The following SAG variants were observed in gnomAD, a reference collection of about 807,000 sequenced individuals.
SAG encodes S-antigen visual arrestin.
A neutral mutation model predicts 55.0 loss-of-function variants in SAG; 45 were observed. The ratio of observed to expected loss-of-function variants is 0.82; its 90% CI spans 0.64 to 1.05. The LOEUF (loss-of-function observed/expected upper bound fraction) is 1.05, where lower values mean the gene tolerates loss of function less well. SAG is among the 50% of genes least tolerant of loss of function. The probability of loss-of-function intolerance (pLI) is 0.00; values close to 1 mark genes in which losing one functional copy is unlikely to be tolerated. For missense variants in SAG, 455 were observed against 512.1 expected, an observed-to-expected ratio of 0.89 and a Z score of 1.08; for synonymous variants, 189 against 197.4, an observed-to-expected ratio of 0.96 and a Z score of 0.36.
chr2:233,335,418 C>G (rs536819156), intron 11 of SAG, among the ~76,000 whole-genome samples: 1 of 152,194 alleles, frequency 6.6e-6, no homozygotes, highest in Non-Finnish European at 1.5e-5. Context: ...TAGTTCAAGT[C>G]TCATAGAGTG....
chr2:233,322,031 ACACAC>A (rs1480761006), intron 5 of SAG, among the ~76,000 whole-genome samples: 1 of 112,690 alleles, frequency 8.9e-6, no homozygotes, highest in East Asian at 2.6e-4. Flanking sequence ...ACACACACAC[ACACAC>A]ATTAGTCAGG....
chr2:233,329,701 T>G, intron 9 of SAG, 124 bp downstream of exon 9: 1 of 675,924 alleles, frequency 1.5e-6, no homozygotes, highest in Non-Finnish European at 2.6e-6. Context: ...TACTTGTCTC[T>G]GCTGTCATAG....
chr2:233,318,909 C>A, intron 4 of SAG, 114 bp downstream of exon 4: 1 of 904,964 alleles, frequency 1.1e-6, no homozygotes, highest in Non-Finnish European at 1.9e-6. Flanking sequence ...AGAGGCAGCG[C>A]TCTTGCACAT....
chr2:233,333,214 T>C (rs1700822812), intron 10 of SAG: 1 of 152,294 alleles, frequency 6.6e-6, no homozygotes, highest in South Asian at 2.1e-4. Context: ...ACTGCCTCCT[T>C]TCTGCCAAGA....
At chr2:233,325,834 T>C (rs1358976501) in intron 6 of SAG, among the ~76,000 whole-genome samples, 5 of 151,922 alleles carry the variant, frequency 3.3e-5, no homozygotes, top group African/African-American at 1.2e-4. Flanking sequence ...CCTGGGGGCC[T>C]GGGGGCTTGA....
chr2:233,331,796 C>T, intron 10 of SAG, 84 bp downstream of exon 10: 3 of 966,718 alleles, frequency 3.1e-6, no homozygotes, highest in Non-Finnish European at 4.9e-6. Flanking sequence ...GAAGAAGGAA[C>T]TAGAATGTTC....
intron 1 of SAG, among the ~76,000 whole-genome samples, chr2:233,308,400 G>A (rs574294114): frequency 6.6e-6 from 1 of 152,114 alleles, no homozygotes; most frequent in East Asian, 1.9e-4. Context: ...CCAGGAGTTC[G>A]AGGCTGCGGT....
chr2:233,309,033 C>G (rs77217878), intron 1 of SAG, 129 bp from the exon 2 acceptor site: 6,650 of 563,596 alleles, frequency 0.012, 66 homozygotes, highest in Admixed American at 0.027. Flanking sequence ...GATGTTGAAG[C>G]CGGTACAAGG....
chr2:233,331,885 A>T (rs912217917), intron 10 of SAG, 173 bp downstream of exon 10: 3 of 638,328 alleles, frequency 4.7e-6, no homozygotes, highest in Non-Finnish European at 8.6e-6. Context: ...TTAGCTCTGC[A>T]TCTACCACAC....
rs111846791 is a variant in SAG, at chr2:233,340,040, T to TC, written c.1023-413dup. Among the ~76,000 whole-genome samples the TC allele has an allele frequency of 2.6e-3, 401 of 151,524 alleles. No individual in the cohort carries two copies. The highest frequency in any genetic ancestry group is 8.9e-3 in the African/African-American group (367 of 41,254). On this transcript the variant is annotated intron_variant, in intron 12 of 15. Transcript: ENST00000409110. The surrounding 1 kb of genome is among the most constrained non-coding windows in gnomAD (Gnocchi z 4.2). ...GGCATGATCTCAGCTCACTGCAACC[T>TC]CCACCTCCCAGGTTCAAGCAATTCC...
chr2:233,343,103 T>TC (rs397962016), intron 14 of SAG: 1 of 136,392 alleles, frequency 7.3e-6, no homozygotes, highest in East Asian at 2.1e-4. Flanking sequence ...TTTTTTTTTT[T>TC]CTGAGATGGA....
At chr2:233,330,536 CCTTCCTCCCTTTCTTT>C (rs1397638128) in intron 9 of SAG, among the ~76,000 whole-genome samples, 1 of 136,120 alleles carries the variant, frequency 7.3e-6, no homozygotes, top group Non-Finnish European at 1.6e-5. Flanking sequence ...TTCCTTCCTT[CCTTCCTCCCTTTCTTT>C]CACAGTCTCC....
At chr2:233,325,458 C>T (rs79350914) in intron 6 of SAG, among the ~76,000 whole-genome samples, 1 of 151,638 alleles carries the variant, frequency 6.6e-6, no homozygotes, top group East Asian at 1.9e-4. Flanking sequence ...AGTTGTTGCA[C>T]GTTTGTGTCT....
intron 2 of SAG, among the ~76,000 whole-genome samples, chr2:233,315,574 T>A (rs1208240406): frequency 6.6e-6 from 1 of 151,560 alleles, no homozygotes; most frequent in Non-Finnish European, 1.5e-5. Flanking sequence ...ATTACAGGGG[T>A]GAGCCACCAC....
At chr2:233,315,815 G>C (rs776267768) in intron 2 of SAG, among the ~76,000 whole-genome samples, 7 of 150,878 alleles carry the variant, frequency 4.6e-5, no homozygotes, top group Non-Finnish European at 1.0e-4. Context: ...TGATTCTCCT[G>C]CCTCAGCCTC....
chr2:233,338,752 G>A lies in SAG; in HGVS notation c.1021G>A (p.Gly341Ser). 1.9e-6 allele frequency: 3 copies of A among 1,613,838 alleles called. No individual in the cohort carries two copies. The highest frequency in any genetic ancestry group is 2.5e-6 in the Non-Finnish European group (3 of 1,179,714). Residue 341 changes from glycine to serine, a missense_variant and splice_region_variant, in exon 12 of 16, where the codon GGC (glycine) becomes AGC (serine). Transcript: ENST00000409110. The stretch of plus-strand genomic sequence containing the variant: ...GATCAAGGTGAAGCTCACAGTGTCA[G>A]GGTAAGTGTCCCGGCACCAACCCTC... ...YQIKVKLTVS[G>S]FLGELTSSEV...
chr2:233,317,571 C>T (rs1700244734), intron 3 of SAG, among the ~76,000 whole-genome samples: 1 of 152,168 alleles, frequency 6.6e-6, no homozygotes, highest in South Asian at 2.1e-4. Context: ...GGTTATTTGG[C>T]AGCATGTTAT....
intron 1 of SAG, among the ~76,000 whole-genome samples, chr2:233,308,545 A>G (rs892678247): frequency 9.2e-5 from 14 of 151,874 alleles, no homozygotes; most frequent in African/African-American, 2.9e-4. Flanking sequence ...CAGAGTGGCT[A>G]TCTCTTAGTA....
rs78338185 is a variant in SAG at position 233,347,001 on chromosome 2, C to A, written c.*89C>A. On this transcript the variant is annotated 3_prime_UTR_variant, in exon 16 of 16. Transcript: ENST00000409110. This position sits in a 1 kb window ranked among gnomAD's most constrained non-coding sequence, Gnocchi z 4.5. Reference sequence around the variant, plus strand: ...AGTTTAGTCCTTTGGAGTTATGCTGCGTATGAAAGGATGAGTCTTCTTCCG... The same window carrying A: ...AGTTTAGTCCTTTGGAGTTATGCTGAGTATGAAAGGATGAGTCTTCTTCCG... 2 of 708,152 alleles carry A rather than the reference C, an allele frequency of 2.8e-6. No homozygotes were observed. The highest frequency in any genetic ancestry group is 1.8e-5 in the African/African-American group (1 of 55,874). 43.9% of individuals were successfully genotyped at this position (708,152 alleles called of 1,614,324 possible). A position where few individuals can be genotyped will look rare whatever the true frequency, so the allele number is the denominator to read the frequency against.
Sources: gnomAD v4.1 joint callset for allele counts (sites outside exome capture counted in the v4.1 genomes callset) on GRCh38, gnomAD v4.1.1 for gene constraint, Gnocchi (gnomAD v3.1) non-coding constraint, MANE v1.5 for transcripts, NCBI Gene and HGNC (gene_info 2026-07-23, HGNC 2026-07-21) for gene names.